Variants in PDE8A observed in about 807,000 individuals in gnomAD.
PDE8A encodes the protein high affinity cAMP-specific and IBMX-insensitive 3',5'-cyclic phosphodiesterase 8A.
Under a neutral mutation model 105.0 loss-of-function variants are expected in PDE8A, and 59 were observed. The observed-to-expected ratio is 0.56, with a 90% CI of 0.46 to 0.70. PDE8A has a LOEUF of 0.70. Ranked by LOEUF, PDE8A falls within the 30% of genes least tolerant of loss-of-function variation. The pLI is 0.00. For missense variants in PDE8A, 1,014 were observed against 1,045.9 expected (o/e 0.97, Z 0.42); for synonymous variants, 355 against 371.9 (o/e 0.95, Z 0.52).
intron 1 of PDE8A, among the ~76,000 whole-genome samples, chr15:85,051,168 C>CT (rs2141418080): frequency 1.3e-5 from 2 of 152,176 alleles, no homozygotes; most frequent in East Asian, 3.9e-4. Context: ...TGTCCTGATA[C>CT]TTTGCTGACT....
chr15:85,112,156 AT>A (rs563717468), intron 12 of PDE8A, among the ~76,000 whole-genome samples: 13 of 151,594 alleles, frequency 8.6e-5, no homozygotes, highest in Non-Finnish European at 1.8e-4. Context: ...GCTCTGTTTG[AT>A]TTTTTTCTAA....
chr15:85,100,909 A>G (rs2081852292), intron 11 of PDE8A, among the ~76,000 whole-genome samples: 1 of 152,240 alleles, frequency 6.6e-6, no homozygotes, highest in African/African-American at 2.4e-5. Context: ...TCTAAGGAGA[A>G]GACTTCCCTT....
In PDE8A at chr15:85,138,733, C is replaced by G. The variant is rs775709623; in HGVS notation, c.*830C>G. 2 of 152,200 alleles carry G rather than the reference C, an allele frequency of 1.3e-5. No individual in the cohort carries two copies. Among genetic ancestry groups the G allele is most frequent in the African/African-American group, 4.8e-5 (2 of 41,444 alleles). 9.4% of individuals were successfully genotyped at this position (152,200 alleles called of 1,614,324 possible). ...TAGAACCCAGGGCTCTGAAACAGCT[C>G]TAGCCGCCTAATGCACTTCACAGGT... On this transcript the variant is annotated 3_prime_UTR_variant, in exon 22 of 22. Coordinates refer to ENST00000394553, the MANE Select transcript of PDE8A (RefSeq NM_002605.3).
intron 1 of PDE8A, among the ~76,000 whole-genome samples, chr15:85,017,057 C>T (rs1324302741): frequency 2.7e-5 from 4 of 149,146 alleles, no homozygotes; most frequent in Non-Finnish European, 5.9e-5. Flanking sequence ...GTCAGGAGAT[C>T]GAGACCATCC....
At chr15:85,131,149 A>T (rs2082325067) in intron 20 of PDE8A, among the ~76,000 whole-genome samples, 1 of 152,140 alleles carries the variant, frequency 6.6e-6, no homozygotes, top group Non-Finnish European at 1.5e-5. Context: ...ATCTTTTTCC[A>T]TCCTTTCATT....
rs192388290 is a variant in PDE8A, at chr15:85,095,351, T to A, written c.853-2597T>A. 3.0e-3 allele frequency among the ~76,000 whole-genome samples: 459 copies of A among 152,078 alleles called. 3 individuals are homozygous for A. The highest frequency in any genetic ancestry group is 4.8e-3 in the Non-Finnish European group (328 of 67,996). ...TCTCAGGAACTAAATATATATATAT[T>A]TTTTTTCCTCAAGACAGAGTCTCAC... On this transcript the variant is annotated intron_variant, in intron 8 of 21. Transcript: ENST00000394553.
intron 1 of PDE8A, among the ~76,000 whole-genome samples, chr15:84,993,364 AC>A (rs766519937): frequency 1.0e-4 from 15 of 147,866 alleles, no homozygotes; most frequent in Admixed American, 1.4e-4. Flanking sequence ...AATGGCATGA[AC>A]CCAGGAGGCA....
chr15:85,059,865 A>G (rs2064744582), intron 1 of PDE8A, among the ~76,000 whole-genome samples: 1 of 152,176 alleles, frequency 6.6e-6, no homozygotes. Flanking sequence ...AAAATTAACC[A>G]GATGAGGTGG....
rs1367799753 is a variant in PDE8A at position 84,982,236 on chromosome 15, C to T, written c.74C>T (p.Pro25Leu). 2 of 1,467,822 alleles carry T rather than the reference C, an allele frequency of 1.4e-6. No homozygotes were observed. The highest frequency in any genetic ancestry group is 2.9e-5 in the African/African-American group (2 of 67,806). The allele number at this position is 1,467,822 out of a possible 1,614,324, so 90.9% of individuals were successfully genotyped here. ...GACGCGCCTAGCCCCGCGGCACCGC[C>T]GCTGTCGTCCGGCGGGCCGCGCCTC... ...AEDAPSPAAP[P>L]LSSGGPRLPQ... Residue 25 changes from proline (P) to leucine (L), a missense_variant, in exon 1 of 22, where the codon CCG becomes CTG. Physicochemically the swap from Pro to Leu is moderately conservative, Grantham distance 98. Transcript: ENST00000394553.
intron 9 of PDE8A, among the ~76,000 whole-genome samples, chr15:85,098,254 G>C (rs907880064): frequency 6.6e-6 from 1 of 152,174 alleles, no homozygotes; most frequent in African/African-American, 2.4e-5. Context: ...GGGCAGTCTT[G>C]TTTAAGCTGC....
chr15:85,126,860 G>A (rs149493843), intron 20 of PDE8A, among the ~76,000 whole-genome samples: 62 of 152,246 alleles, frequency 4.1e-4, no homozygotes, highest in East Asian at 2.3e-3. Context: ...GAGGAAAAGC[G>A]ACACATTACT....
At chr15:85,036,174 A>G (rs1348347077) in intron 1 of PDE8A, among the ~76,000 whole-genome samples, 3 of 152,216 alleles carry the variant, frequency 2.0e-5, no homozygotes, top group African/African-American at 7.2e-5. Flanking sequence ...CCTGGCAGCC[A>G]TCCAAATTCC....
rs534630396 is a variant in PDE8A at position 85,089,484 on chromosome 15, C to A, written c.714+68C>A. The A allele has an allele frequency of 4.9e-6, 4 of 816,408 alleles. No individual in the cohort carries two copies. The East Asian group carries it at 1.0e-4, about 21-fold the overall frequency. 50.6% of individuals were successfully genotyped at this position (816,408 alleles called of 1,614,324 possible). On this transcript the variant is annotated intron_variant, in intron 7 of 21. Transcript: ENST00000394553. ...GCTTTTTCCAACTTTTAGGATTGAA[C>A]CTCTCCAATATGATTTTTTTTTTTC...
At position 84,982,035 on chromosome 15, in the gene PDE8A, T is replaced by C; in HGVS notation, c.-128T>C. On this transcript the variant is annotated 5_prime_UTR_variant, in exon 1 of 22. Transcript: ENST00000394553. ...GGCGGCCGCGTTTCCTGACGCGAGA[T>C]CCGCGCTCGCCGCCGCCCGCCCAGG... 2.3e-6 allele frequency: 1 copy of C among 437,158 alleles called. No homozygotes were observed. The highest frequency in any genetic ancestry group is 4.8e-5 in the East Asian group (1 of 20,964). 27.1% of individuals were successfully genotyped at this position (437,158 alleles called of 1,614,324 possible).
Position 85,138,015 on chromosome 15 carries a change from T to C in PDE8A, c.*112T>C, listed in dbSNP as rs1364543946. On this transcript the variant is annotated 3_prime_UTR_variant, in exon 22 of 22. Coordinates refer to ENST00000394553, the MANE Select transcript of PDE8A (RefSeq NM_002605.3). ...GTACTAGGCAGAACAGCCCCCGATC[T>C]GCATAGCCTGTGAAAGCCCACGGGG... 4.6e-6 allele frequency: 3 copies of C among 648,196 alleles called. No homozygotes were observed. In the Admixed American group the frequency reaches 7.9e-5, roughly 17 times the overall value. 40.2% of individuals were successfully genotyped at this position (648,196 alleles called of 1,614,324 possible).
chr15:85,026,985 G>T lies in PDE8A; in HGVS notation c.187-37385G>T, dbSNP rs1356026833. ...GCTTAACTGTAGTAACATCTAATTT[G>T]GTTTATGAACACCAAATTTTATCTC... On this transcript the variant is annotated intron_variant, in intron 1 of 21. Coordinates refer to ENST00000394553, the MANE Select transcript of PDE8A (RefSeq NM_002605.3). Among the ~76,000 whole-genome samples, 2 of 151,996 alleles carry T rather than the reference G, an allele frequency of 1.3e-5. 1 individual carries two copies. Among genetic ancestry groups the T allele is most frequent in the African/African-American group, 4.8e-5 (2 of 41,374 alleles).
intron 21 of PDE8A, 118 bp from the exon 22 acceptor site, chr15:85,137,679 T>C (rs2082434295): frequency 1.5e-6 from 1 of 651,790 alleles, no homozygotes; most frequent in Non-Finnish European, 2.7e-6. Flanking sequence ...TGCCCGGGTC[T>C]GTTTAGCCTC....
chr15:85,016,677 T>G (rs1239766675), intron 1 of PDE8A, among the ~76,000 whole-genome samples: 1 of 152,250 alleles, frequency 6.6e-6, no homozygotes, highest in Non-Finnish European at 1.5e-5. Context: ...CTTGTCTAGC[T>G]GTGGGAAGAA....
At chr15:85,079,081 C>A (rs2081424725) in intron 5 of PDE8A, among the ~76,000 whole-genome samples, 1 of 152,226 alleles carries the variant, frequency 6.6e-6, no homozygotes, top group Middle Eastern at 3.4e-3. Flanking sequence ...CATGGTGCCT[C>A]CTGCTTTCTC....
Sources: allele counts gnomAD v4.1 joint callset (sites outside exome capture counted in the v4.1 genomes callset), GRCh38; gene constraint gnomAD v4.1.1; transcripts MANE v1.5; gene names NCBI Gene and HGNC (gene_info 2026-07-23, HGNC 2026-07-21).